Variants in L3MBTL4 observed in about 807,000 individuals in gnomAD.
L3MBTL4 encodes the protein L3MBTL histone methyl-lysine binding protein 4.
In L3MBTL4, 70 loss-of-function variants were observed where a neutral mutation model predicts 84.5. That is an observed-to-expected ratio of 0.83 (90% CI 0.68 to 1.01). The LOEUF (loss-of-function observed/expected upper bound fraction) is 1.01. L3MBTL4 is among the 50% of genes least tolerant of loss of function. The pLI is 0.00. For missense variants in L3MBTL4, 715 were observed against 754.8 expected (o/e 0.95, Z 0.62); for synonymous variants, 274 against 259.8 (o/e 1.05, Z -0.52).
chr18:6,020,053 C>T (rs2055179822), intron 16 of L3MBTL4, among the ~76,000 whole-genome samples: 1 of 152,178 alleles, frequency 6.6e-6, no homozygotes, highest in Admixed American at 6.5e-5. Context: ...GACACACATG[C>T]TCCCTGCCCT....
rs35746580 is a variant in L3MBTL4 at position 6,144,196 on chromosome 18, C to CAAAAAAAAAA, written c.1097-5910_1097-5901dup. On this transcript the variant is annotated intron_variant, in intron 13 of 18. Transcript: ENST00000317931. The stretch of plus-strand genomic sequence containing the variant: ...GGGCGACAGAGTGAGACTCCATCTC[C>CAAAAAAAAAA]AAAAAAAAAAAAAAAAAAAAAAAAG... Among the ~76,000 whole-genome samples, 13 of 58,076 alleles carry CAAAAAAAAAA rather than the reference C, an allele frequency of 2.2e-4. 1 individual carries two copies. The highest frequency in any genetic ancestry group is 4.8e-4 in the African/African-American group (8 of 16,516). 38.1% of individuals were successfully genotyped at this position (58,076 alleles called of 152,430 possible).
chr18:6,369,024 A>C (rs1359653767), intron 1 of L3MBTL4, among the ~76,000 whole-genome samples: 3 of 151,084 alleles, frequency 2.0e-5, no homozygotes, highest in African/African-American at 7.3e-5. Flanking sequence ...CCTGGGTGAC[A>C]CAGACAGACT....
intron 17 of L3MBTL4, among the ~76,000 whole-genome samples, chr18:5,968,452 C>T (rs2052459596): frequency 6.6e-6 from 1 of 152,022 alleles, no homozygotes; most frequent in Non-Finnish European, 1.5e-5. Context: ...AATCCCAGTG[C>T]TTTGGGAGGC....
intron 16 of L3MBTL4, among the ~76,000 whole-genome samples, chr18:5,972,053 GTA>G (rs2052665119): frequency 1.3e-5 from 2 of 152,190 alleles, no homozygotes; most frequent in African/African-American, 4.8e-5. Context: ...GGAATAGGCT[GTA>G]TATGCCAAAG....
chr18:6,147,448 A>G (rs2042703168), intron 13 of L3MBTL4, among the ~76,000 whole-genome samples: 2 of 152,192 alleles, frequency 1.3e-5, no homozygotes, highest in Admixed American at 6.5e-5. Context: ...ATTTCATAAT[A>G]CATAAATAAA....
intron 16 of L3MBTL4, among the ~76,000 whole-genome samples, chr18:6,024,853 T>C (rs935029973): frequency 4.6e-5 from 7 of 152,208 alleles, no homozygotes; most frequent in Non-Finnish European, 5.9e-5. Flanking sequence ...GGGTGGTTAA[T>C]TAAAACCACT....
intron 13 of L3MBTL4, among the ~76,000 whole-genome samples, chr18:6,157,489 T>A (rs541319513): frequency 1.1e-3 from 161 of 152,320 alleles, no homozygotes; most frequent in African/African-American, 3.7e-3. Context: ...TTATTAATCA[T>A]TCATTGCTTA....
At chr18:6,413,039 G>A (rs1297078038) in intron 1 of L3MBTL4, among the ~76,000 whole-genome samples, 1 of 152,016 alleles carries the variant, frequency 6.6e-6, no homozygotes, top group Non-Finnish European at 1.5e-5. Flanking sequence ...GAGCCATGAT[G>A]GTACCACTGC....
intron 16 of L3MBTL4, among the ~76,000 whole-genome samples, chr18:5,980,625 T>G (rs1055479297): frequency 6.6e-6 from 1 of 151,956 alleles, no homozygotes; most frequent in African/African-American, 2.4e-5. Flanking sequence ...AGAGAAAGGA[T>G]TTTGTCATGT....
intron 16 of L3MBTL4, among the ~76,000 whole-genome samples, chr18:6,016,794 C>T (rs1371647831): frequency 6.6e-6 from 1 of 152,138 alleles, no homozygotes; most frequent in Non-Finnish European, 1.5e-5. Context: ...GGGAAGTTTT[C>T]CTGGTGAGGA....
chr18:6,003,103 TTATAGAGA>T (rs2054299196), intron 16 of L3MBTL4, among the ~76,000 whole-genome samples: 1 of 101,658 alleles, frequency 9.8e-6, no homozygotes, highest in African/African-American at 3.9e-5. Flanking sequence ...GTATCTCTAT[TTATAGAGA>T]TACTATATAA....
At chr18:5,957,997 GGAAGGA>G (rs1345192456) in intron 18 of L3MBTL4, among the ~76,000 whole-genome samples, 9 of 146,428 alleles carry the variant, frequency 6.1e-5, no homozygotes, top group Non-Finnish European at 1.3e-4. Flanking sequence ...GGAAAAAGAA[GGAAGGA>G]GAAGGAGGAG....
At chr18:6,005,377 G>A (rs1001546996) in intron 16 of L3MBTL4, among the ~76,000 whole-genome samples, 6 of 151,974 alleles carry the variant, frequency 3.9e-5, no homozygotes, top group African/African-American at 1.5e-4. Context: ...ACATGTACGG[G>A]TTTGTTATAT....
chr18:6,080,610 T>C (rs1221478265), intron 16 of L3MBTL4, among the ~76,000 whole-genome samples: 3 of 152,224 alleles, frequency 2.0e-5, no homozygotes, highest in African/African-American at 7.2e-5. Flanking sequence ...CTCTAACTTC[T>C]GTTGGTTTAC....
At chr18:6,105,334 C>G (rs978518937) in intron 14 of L3MBTL4, among the ~76,000 whole-genome samples, 4 of 151,544 alleles carry the variant, frequency 2.6e-5, no homozygotes, top group African/African-American at 9.7e-5. Flanking sequence ...GGATTACAGG[C>G]ACATGCCACC....
chr18:6,211,747 C>T (rs2046113924), intron 12 of L3MBTL4, among the ~76,000 whole-genome samples: 1 of 151,766 alleles, frequency 6.6e-6, no homozygotes, highest in Non-Finnish European at 1.5e-5. Flanking sequence ...CTCCCAGGCT[C>T]AAGCGATTCT....
At chr18:6,344,344 A>T (rs1424359961) in intron 1 of L3MBTL4, among the ~76,000 whole-genome samples, 2 of 152,226 alleles carry the variant, frequency 1.3e-5, no homozygotes, top group Non-Finnish European at 2.9e-5. Flanking sequence ...CAAACTGAAC[A>T]TAAAGAAATA....
At chr18:6,033,845 T>G (rs547718900) in intron 16 of L3MBTL4, among the ~76,000 whole-genome samples, 4 of 152,218 alleles carry the variant, frequency 2.6e-5, no homozygotes, top group Non-Finnish European at 5.9e-5. Context: ...GTTCCAAAAT[T>G]ATATCTTTAT....
intron 1 of L3MBTL4, among the ~76,000 whole-genome samples, chr18:6,360,045 T>C (rs553712323): frequency 3.3e-5 from 5 of 152,296 alleles, no homozygotes; most frequent in South Asian, 4.1e-4. Context: ...ACAGTACTTA[T>C]AGAGAAACAG....
Sources: allele counts gnomAD v4.1 joint callset (sites outside exome capture counted in the v4.1 genomes callset), GRCh38; gene constraint gnomAD v4.1.1; transcripts MANE v1.5; gene names NCBI Gene and HGNC (gene_info 2026-07-23, HGNC 2026-07-21).